Variants in PLSCR2 observed in about 807,000 individuals in gnomAD.
PLSCR2 encodes phospholipid scramblase 2.
A neutral mutation model predicts 25.3 loss-of-function variants in PLSCR2; 18 were observed. That is an observed-to-expected ratio of 0.71 (90% CI 0.49 to 1.06). The LOEUF (loss-of-function observed/expected upper bound fraction) is 1.06. Among genes scored for constraint, PLSCR2 ranks in the 50% least tolerant of loss-of-function variants. PLSCR2 has a pLI of 0.00. For missense variants in PLSCR2, 243 were observed against 269.5 expected, an observed-to-expected ratio of 0.90 and a Z score of 0.69; for synonymous variants, 88 against 87.3, an observed-to-expected ratio of 1.01 and a Z score of -0.04.
At chr3:146,426,006 G>T (rs2039331897) in intron 2 of PLSCR2, among the ~76,000 whole-genome samples, 1 of 152,064 alleles carries the variant, frequency 6.6e-6, no homozygotes, top group Non-Finnish European at 1.5e-5. Flanking sequence ...ACTGATTATA[G>T]AAACCATTTA....
chr3:146,460,199 G>T, exon 1 of PLSCR2: 1 of 1,391,204 alleles, frequency 7.2e-7, no homozygotes, highest in Non-Finnish European at 9.3e-7. Context: ...CTATATCTGT[G>T]AAGCTTGAGG....
chr3:146,419,939 T>A (rs953426471), intron 2 of PLSCR2, among the ~76,000 whole-genome samples: 2 of 152,114 alleles, frequency 1.3e-5, no homozygotes, highest in Non-Finnish European at 2.9e-5. Flanking sequence ...TGGGGGATTG[T>A]GATTTGCACA....
At chr3:146,494,937 T>C (rs528647566) in intron 1 of PLSCR2, 6 of 152,312 alleles carry the variant, frequency 3.9e-5, no homozygotes, top group Non-Finnish European at 7.4e-5. Context: ...AGGTCAACTC[T>C]GATCCCAGTT....
upstream of PLSCR2, among the ~76,000 whole-genome samples, chr3:146,460,942 A>T (rs1433120369): frequency 6.6e-6 from 1 of 152,188 alleles, no homozygotes; most frequent in Non-Finnish European, 1.5e-5. Context: ...ACAATTTGTC[A>T]CTCTTAGATC....
chr3:146,425,903 G>C (rs866160749), intron 2 of PLSCR2, among the ~76,000 whole-genome samples: 5 of 152,018 alleles, frequency 3.3e-5, no homozygotes, highest in Admixed American at 6.6e-5. Flanking sequence ...CTGCATTAAA[G>C]CCATCATTTT....
intron 1 of PLSCR2, among the ~76,000 whole-genome samples, chr3:146,478,621 G>A (rs1233766567): frequency 6.6e-6 from 1 of 152,182 alleles, no homozygotes. Flanking sequence ...CATCTGATTG[G>A]TGTACCTGAA....
At chr3:146,464,930 C>T (rs1380574447), upstream of PLSCR2, among the ~76,000 whole-genome samples, 1 of 152,148 alleles carries the variant, frequency 6.6e-6, no homozygotes, top group African/African-American at 2.4e-5. Flanking sequence ...GGAGGACATC[C>T]ATTTGGTTTG....
intron 2 of PLSCR2, among the ~76,000 whole-genome samples, chr3:146,426,838 G>A (rs1254253452): frequency 1.3e-5 from 2 of 151,972 alleles, no homozygotes; most frequent in Admixed American, 6.6e-5. Context: ...ACTAAATTAC[G>A]TTTTTATGTG....
chr3:146,485,600 T>C (rs2043310133), intron 1 of PLSCR2, among the ~76,000 whole-genome samples: 1 of 151,960 alleles, frequency 6.6e-6, no homozygotes, highest in Non-Finnish European at 1.5e-5. Context: ...TAACAAACAG[T>C]CTATCAGACC....
chr3:146,419,709 G>T (rs1247712696), intron 2 of PLSCR2, among the ~76,000 whole-genome samples: 1 of 151,992 alleles, frequency 6.6e-6, no homozygotes. Context: ...TCCAGAGGCT[G>T]CCTGTATCCC....
intron 2 of PLSCR2, among the ~76,000 whole-genome samples, chr3:146,409,406 G>A (rs2038770383): frequency 6.6e-6 from 1 of 152,158 alleles, no homozygotes; most frequent in African/African-American, 2.4e-5. Context: ...TGAGGGTAGA[G>A]GTGAAAACGC....
At chr3:146,404,588 C>CA (rs1466179177) in intron 2 of PLSCR2, among the ~76,000 whole-genome samples, 1 of 152,154 alleles carries the variant, frequency 6.6e-6, no homozygotes, top group Non-Finnish European at 1.5e-5. Flanking sequence ...TTCTCACATG[C>CA]AAAATACATT....
intron 2 of PLSCR2, among the ~76,000 whole-genome samples, chr3:146,414,899 A>C (rs991860623): frequency 6.6e-6 from 1 of 152,208 alleles, no homozygotes; most frequent in Admixed American, 6.5e-5. Flanking sequence ...GCAGACCAGA[A>C]TTTTCAGGAA....
intron 1 of PLSCR2, chr3:146,494,546 G>C (rs941838945): frequency 6.6e-6 from 1 of 152,038 alleles, no homozygotes; most frequent in African/African-American, 2.4e-5. Flanking sequence ...CAGACAAACT[G>C]GTGGTCTTCC....
In PLSCR2 at chr3:146,459,855, A is replaced by C. The variant is rs2041461330; in HGVS notation, c.50T>G (p.Leu17Ter). The C allele has an allele frequency of 6.2e-7, 1 of 1,605,274 alleles. No homozygotes were observed. The highest frequency in any genetic ancestry group is 2.2e-5 in the East Asian group (1 of 44,702). Residue 17 changes from leucine to a stop codon, truncating the protein, a stop_gained, in exon 2 of 7, where the codon TTA (leucine) becomes TGA (stop). Coordinates refer to ENST00000610787, the Ensembl canonical transcript of PLSCR2. LOFTEE classifies it high-confidence loss of function. ...TTACGTATTTGAAATTACCTGACTT[A>C]AGTATTCCAATCCTGGCGGACAGTT...
At chr3:146,409,391 C>A (rs1241942727) in intron 2 of PLSCR2, among the ~76,000 whole-genome samples, 1 of 152,000 alleles carries the variant, frequency 6.6e-6, no homozygotes, top group Non-Finnish European at 1.5e-5. Context: ...GGGGAGCGAG[C>A]CGGCTGAGGG....
chr3:146,427,434 C>T, intron 2 of PLSCR2, among the ~76,000 whole-genome samples: 1 of 152,188 alleles, frequency 6.6e-6, no homozygotes, highest in East Asian at 1.9e-4. Flanking sequence ...GCTGTCCAGT[C>T]AAGAGAAAGA....
At chr3:146,460,822 G>A (rs2041531097), upstream of PLSCR2, among the ~76,000 whole-genome samples, 1 of 152,158 alleles carries the variant, frequency 6.6e-6, no homozygotes, top group African/African-American at 2.4e-5. Flanking sequence ...ATGCTTGTCT[G>A]GGCCAATGGG....
At chr3:146,401,502 C>T (rs1455173630) in intron 2 of PLSCR2, 1 of 152,508 alleles carries the variant, frequency 6.6e-6, no homozygotes. Flanking sequence ...AAAATAAATT[C>T]TCTGTCCTTG....
Sources: gnomAD v4.1 joint callset for allele counts (sites outside exome capture counted in the v4.1 genomes callset) on GRCh38, gnomAD v4.1.1 for gene constraint, MANE v1.5 for transcripts, NCBI Gene and HGNC (gene_info 2026-07-23, HGNC 2026-07-21) for gene names.